The following TSNARE1 variants were observed in gnomAD, a reference collection of about 807,000 sequenced individuals.
TSNARE1 encodes t-SNARE domain-containing protein 1.
Under a neutral mutation model 62.0 loss-of-function variants are expected in TSNARE1, and 49 were observed. That is an observed-to-expected ratio of 0.79 (90% confidence interval 0.63 to 1.00). The LOEUF is 1.00. TSNARE1 is among the 50% of genes least tolerant of loss of function. TSNARE1 has a pLI of 0.00. For synonymous variants in TSNARE1, 328 were observed against 294.4 expected (o/e 1.11, Z -1.17); for missense variants, 755 against 700.1 (o/e 1.08, Z -0.88).
At chr8:142,338,542 G>A (rs1001705914) in intron 4 of TSNARE1, among the ~76,000 whole-genome samples, 13 of 152,120 alleles carry the variant, frequency 8.5e-5, no homozygotes, top group Admixed American at 8.5e-4. Context: ...AGGCTGCCTG[G>A]ACCACTGGGC....
At chr8:142,323,334 C>A (rs1451509730) in intron 6 of TSNARE1, among the ~76,000 whole-genome samples, 1 of 152,246 alleles carries the variant, frequency 6.6e-6, no homozygotes, top group East Asian at 1.9e-4. Flanking sequence ...GCAGCACCAG[C>A]ATGGCTGGCT....
intron 13 of TSNARE1, among the ~76,000 whole-genome samples, chr8:142,216,109 TC>T (rs1226562393): frequency 6.6e-6 from 1 of 151,960 alleles, no homozygotes; most frequent in Non-Finnish European, 1.5e-5. Context: ...CCATGAGCCT[TC>T]CCCACTCCCT....
intron 4 of TSNARE1, among the ~76,000 whole-genome samples, chr8:142,335,395 G>A (rs1831613473): frequency 6.6e-6 from 1 of 152,224 alleles, no homozygotes; most frequent in Admixed American, 6.5e-5. Flanking sequence ...CAATGAGGCG[G>A]GCGTGGGACA....
In TSNARE1 at chr8:142,324,520, AACCG is replaced by A. The variant is rs200705618; in HGVS notation, c.894-5890_894-5887del. ...CCCTGCCCTAGTCTGCCGGGGCCAGAACCGACCTGAGTACGGAGGCTCTCGCATT... is the reference window on the plus strand; with the variant it reads ...CCCTGCCCTAGTCTGCCGGGGCCAGAACCTGAGTACGGAGGCTCTCGCATT... On this transcript the variant is annotated intron_variant, in intron 6 of 13. Coordinates refer to ENST00000524325, the MANE Select transcript of TSNARE1 (RefSeq NM_145003.5). 6.3e-3 allele frequency among the ~76,000 whole-genome samples: 953 copies of A among 152,314 alleles called. 7 individuals are homozygous for A. The highest frequency in any genetic ancestry group is 0.017 in the Middle Eastern group (5 of 294).
At position 142,222,299 on chromosome 8, in the gene TSNARE1, T is replaced by TTCAC. The variant is rs1816347088; in HGVS notation, c.*11+7170_*11+7173dup. Among the ~76,000 whole-genome samples the TTCAC allele has an allele frequency of 3.0e-4, 6 of 20,212 alleles. 1 individual carries two copies. The highest frequency in any genetic ancestry group is 5.6e-4 in the Non-Finnish European group (5 of 8,908). 13.3% of individuals were successfully genotyped at this position (20,212 alleles called of 152,430 possible). A position where few individuals can be genotyped will look rare whatever the true frequency, so the allele number is the denominator to read the frequency against. On this transcript the variant is annotated intron_variant, in intron 13 of 13. Coordinates refer to ENST00000524325, the MANE Select transcript of TSNARE1 (RefSeq NM_145003.5). Reference sequence around the variant, plus strand: ...TCATCCACTCATTCACTCTCACTCATTCACTCACTCACTCATCCACTAATT... The same window carrying TTCAC: ...TCATCCACTCATTCACTCTCACTCATTCACTCACTCACTCACTCATCCACTAATT...
chr8:142,398,150 T>C (rs1838027560), intron 1 of TSNARE1, among the ~76,000 whole-genome samples: 1 of 151,858 alleles, frequency 6.6e-6, no homozygotes, highest in African/African-American at 2.4e-5. Context: ...CACTCAGCTC[T>C]CCAGACACAG....
At chr8:142,353,581 G>A (rs1265280670) in intron 2 of TSNARE1, among the ~76,000 whole-genome samples, 1 of 152,220 alleles carries the variant, frequency 6.6e-6, no homozygotes, top group African/African-American at 2.4e-5. Flanking sequence ...GAGGCAGGCA[G>A]CCGCCCTCTC....
intron 10 of TSNARE1, among the ~76,000 whole-genome samples, chr8:142,290,538 A>T (rs972747755): frequency 1.3e-5 from 2 of 152,240 alleles, no homozygotes; most frequent in Non-Finnish European, 2.9e-5. Flanking sequence ...TTCCAGAACG[A>T]GAAGTCAAAA....
chr8:142,253,037 C>T (rs1818250265), intron 12 of TSNARE1, among the ~76,000 whole-genome samples: 1 of 152,220 alleles, frequency 6.6e-6, no homozygotes, highest in Non-Finnish European at 1.5e-5. Flanking sequence ...CCCAGGCCTG[C>T]AGGAGGGCAT....
intron 12 of TSNARE1, among the ~76,000 whole-genome samples, chr8:142,267,057 CTTT>C (rs947620644): frequency 4.2e-4 from 64 of 152,298 alleles, no homozygotes; most frequent in African/African-American, 1.1e-3. Context: ...GTGATTTCAT[CTTT>C]TTATTTTTAA....
At chr8:142,214,847 C>A (rs1269952684) in intron 13 of TSNARE1, among the ~76,000 whole-genome samples, 1 of 152,192 alleles carries the variant, frequency 6.6e-6, no homozygotes, top group Admixed American at 6.5e-5. Context: ...CTATCAGAAC[C>A]CAGCCCTGGC....
chr8:142,282,100 G>A (rs967873757), intron 11 of TSNARE1, among the ~76,000 whole-genome samples: 3 of 152,220 alleles, frequency 2.0e-5, no homozygotes, highest in Non-Finnish European at 4.4e-5. Flanking sequence ...GAGGGCCCAC[G>A]GTGCTGGCTG....
intron 1 of TSNARE1, among the ~76,000 whole-genome samples, chr8:142,367,192 C>T (rs1038126148): frequency 2.6e-5 from 4 of 152,174 alleles, no homozygotes; most frequent in Non-Finnish European, 4.4e-5. Flanking sequence ...GTTTTCCTAT[C>T]GCAATAAAAA....
At chr8:142,317,154 T>C (rs1828660686) in intron 7 of TSNARE1, among the ~76,000 whole-genome samples, 1 of 150,284 alleles carries the variant, frequency 6.7e-6, no homozygotes, top group South Asian at 2.1e-4. Context: ...ATGAAGCGGG[T>C]ATGGCCAGCG....
chr8:142,301,453 C>T (rs1367774552), intron 9 of TSNARE1, among the ~76,000 whole-genome samples: 10 of 126,950 alleles, frequency 7.9e-5, no homozygotes, highest in South Asian at 2.9e-4. Flanking sequence ...GCCTTCCTTC[C>T]CCTCCCGTCA....
chr8:142,295,995 G>A (rs542849679), intron 10 of TSNARE1, among the ~76,000 whole-genome samples: 10 of 131,166 alleles, frequency 7.6e-5, no homozygotes, highest in Non-Finnish European at 1.6e-4. Context: ...CACTGTCATG[G>A]GAGGGGGGAG....
intron 9 of TSNARE1, among the ~76,000 whole-genome samples, chr8:142,311,795 A>T (rs558159649): frequency 6.6e-6 from 1 of 152,168 alleles, no homozygotes; most frequent in African/African-American, 2.4e-5. Flanking sequence ...ATTTCAATAT[A>T]AGTTTTCTTA....
intron 13 of TSNARE1, among the ~76,000 whole-genome samples, chr8:142,219,355 G>A (rs926536238): frequency 1.3e-5 from 2 of 152,184 alleles, no homozygotes; most frequent in Non-Finnish European, 2.9e-5. Flanking sequence ...AGAGGAGTGG[G>A]GGCCTTGTTT....
chr8:142,374,679 CAAA>C (rs1219756682), intron 1 of TSNARE1, among the ~76,000 whole-genome samples: 4 of 59,358 alleles, frequency 6.7e-5, no homozygotes, highest in Non-Finnish European at 3.5e-5. Flanking sequence ...GACGCTGTCT[CAAA>C]AAAAAAAAAA....
Sources: allele counts gnomAD v4.1 joint callset (sites outside exome capture counted in the v4.1 genomes callset), GRCh38; gene constraint gnomAD v4.1.1; transcripts MANE v1.5; gene names NCBI Gene and HGNC (gene_info 2026-07-23, HGNC 2026-07-21).